CTDSPL2: variants seen among roughly 807,000 people sequenced by gnomAD.
The protein encoded by CTDSPL2 is CTD small phosphatase like 2.
Under a neutral mutation model 60.0 loss-of-function variants are expected in CTDSPL2, and 5 were observed. That is an observed-to-expected ratio of 0.08 (90% CI 0.04 to 0.18). The LOEUF (loss-of-function observed/expected upper bound fraction) is 0.18, where lower values mean the gene tolerates loss of function less well. Among genes scored for constraint, CTDSPL2 ranks in the 10% least tolerant of loss-of-function variants. The pLI is 1.00. For synonymous variants in CTDSPL2, 186 were observed against 189.3 expected (o/e 0.98, Z 0.14); for missense variants, 370 against 548.8 (o/e 0.67, Z 3.26).
intron 5 of CTDSPL2, among the ~76,000 whole-genome samples, chr15:44,494,320 C>T (rs1175799289): frequency 6.6e-6 from 1 of 152,132 alleles, no homozygotes; most frequent in Non-Finnish European, 1.5e-5. Context: ...AGTAAGTCTT[C>T]TAAGCAGTGA....
At chr15:44,453,818 T>G (rs1447539439) in intron 1 of CTDSPL2, among the ~76,000 whole-genome samples, 3 of 152,168 alleles carry the variant, frequency 2.0e-5, no homozygotes, top group Admixed American at 6.5e-5. Context: ...CTTAATCCAG[T>G]CTATCATTGA....
In CTDSPL2 at chr15:44,484,373, A is replaced by G. The variant is rs760992786; in HGVS notation, c.325+11A>G. The G allele has an allele frequency of 4.4e-5, 71 of 1,608,774 alleles. No individual in the cohort carries two copies. The highest frequency in any genetic ancestry group is 6.0e-5 in the Non-Finnish European group (71 of 1,176,048). The stretch of plus-strand genomic sequence containing the variant: ...GTCAAGTAAATGGAGGTTTGTTAAT[A>G]TTTAGATACTGTTTTATTTAGGTGT... On this transcript the variant is annotated intron_variant, in intron 3 of 12. Transcript: ENST00000260327.
At chr15:44,489,998 G>C (rs2081189358) in intron 4 of CTDSPL2, among the ~76,000 whole-genome samples, 1 of 152,134 alleles carries the variant, frequency 6.6e-6, no homozygotes, top group Admixed American at 6.5e-5. Flanking sequence ...TAGGAAAGAG[G>C]TTAAACTTAA....
At chr15:44,515,157 A>G (rs2140866205) in intron 10 of CTDSPL2, among the ~76,000 whole-genome samples, 1 of 152,268 alleles carries the variant, frequency 6.6e-6, no homozygotes, top group East Asian at 1.9e-4. Context: ...ATGATGTTTC[A>G]TCTCCATATG....
At chr15:44,445,219 C>T (rs550912176) in intron 1 of CTDSPL2, among the ~76,000 whole-genome samples, 213 of 151,624 alleles carry the variant, frequency 1.4e-3, no homozygotes, top group Non-Finnish European at 2.2e-3. Context: ...AGTCTCACTC[C>T]GGCTGTTGCC....
chr15:44,486,176 C>A (rs570594363), intron 3 of CTDSPL2, among the ~76,000 whole-genome samples: 1 of 152,186 alleles, frequency 6.6e-6, no homozygotes, highest in South Asian at 2.1e-4. Flanking sequence ...GAATTAGAAC[C>A]GTCCTAGAAT....
At position 44,485,231 on chromosome 15, in the gene CTDSPL2, C is replaced by T. The variant is rs530235287; in HGVS notation, c.325+869C>T. On this transcript the variant is annotated intron_variant, in intron 3 of 12. Coordinates refer to ENST00000260327, the MANE Select transcript of CTDSPL2 (RefSeq NM_016396.3). The stretch of plus-strand genomic sequence containing the variant: ...AAAACAAAGAATTAGACTGAAATGT[C>T]AATACTGCCGCTGTTGATAAACTCT... 2.0e-5 allele frequency among the ~76,000 whole-genome samples: 3 copies of T among 152,302 alleles called. No homozygotes were observed. In the South Asian group the frequency reaches 6.2e-4, roughly 32 times the overall value.
At chr15:44,462,159 G>C (rs1375353150) in intron 2 of CTDSPL2, among the ~76,000 whole-genome samples, 1 of 152,156 alleles carries the variant, frequency 6.6e-6, no homozygotes, top group Non-Finnish European at 1.5e-5. Context: ...GCTCAGGCTG[G>C]TCACAAACTC....
intron 2 of CTDSPL2, among the ~76,000 whole-genome samples, chr15:44,465,940 CTTTT>C (rs201191030): frequency 7.6e-6 from 1 of 131,902 alleles, no homozygotes; most frequent in African/African-American, 2.8e-5. Context: ...GTCTTGAACT[CTTTT>C]TTTTTTTTTA....
At chr15:44,517,981 A>G (rs1381677089) in intron 10 of CTDSPL2, among the ~76,000 whole-genome samples, 2 of 152,206 alleles carry the variant, frequency 1.3e-5, no homozygotes, top group South Asian at 4.1e-4. Context: ...TAAGGGGGAA[A>G]GAACTGCTTA....
intron 1 of CTDSPL2, among the ~76,000 whole-genome samples, chr15:44,456,867 T>C (rs1595715214): frequency 7.1e-6 from 1 of 141,840 alleles, no homozygotes; most frequent in Admixed American, 7.0e-5. Context: ...TTTTTTTTTC[T>C]TTTTTTTTTT....
chr15:44,429,859 C>T (rs2079821917), intron 1 of CTDSPL2, among the ~76,000 whole-genome samples: 2 of 152,038 alleles, frequency 1.3e-5, no homozygotes, highest in South Asian at 2.1e-4. Flanking sequence ...GAGCGAGACT[C>T]CGTCTCAAAA....
intron 8 of CTDSPL2, among the ~76,000 whole-genome samples, chr15:44,506,519 C>T (rs1390277130): frequency 6.8e-6 from 1 of 148,080 alleles, no homozygotes; most frequent in African/African-American, 2.5e-5. Context: ...CAGGCTCAAA[C>T]CGTCTTCTCA....
intron 1 of CTDSPL2, among the ~76,000 whole-genome samples, chr15:44,456,759 CTTAG>C (rs138595454): frequency 0.029 from 4,267 of 146,766 alleles, 100 homozygotes; most frequent in Non-Finnish European, 0.042. Context: ...CTGCTCTGAT[CTTAG>C]TTACTTCTTT....
At chr15:44,474,762 A>T (rs1567080883) in intron 2 of CTDSPL2, among the ~76,000 whole-genome samples, 1 of 152,048 alleles carries the variant, frequency 6.6e-6, no homozygotes, top group South Asian at 2.1e-4. Flanking sequence ...AGGCTGAGGC[A>T]GGAGAATTGC....
chr15:44,437,507 T>C (rs2141269174), intron 1 of CTDSPL2, among the ~76,000 whole-genome samples: 1 of 152,312 alleles, frequency 6.6e-6, no homozygotes, highest in East Asian at 1.9e-4. Flanking sequence ...GGAAATCTTA[T>C]GAGGAAGAAA....
intron 1 of CTDSPL2, among the ~76,000 whole-genome samples, chr15:44,449,871 A>G (rs1439365446): frequency 6.6e-6 from 1 of 151,974 alleles, no homozygotes; most frequent in African/African-American, 2.4e-5. Context: ...CATGCCTCTA[A>G]TCCCAGCTAC....
At chr15:44,484,426 T>C (rs2081083430) in intron 3 of CTDSPL2, 64 bp downstream of exon 3, 8 of 1,463,666 alleles carry the variant, frequency 5.5e-6, no homozygotes, top group Non-Finnish European at 7.5e-6. Context: ...GACACATTTC[T>C]TATCTATTTT....
At chr15:44,473,874 A>G (rs1431147321) in intron 2 of CTDSPL2, among the ~76,000 whole-genome samples, 2 of 152,158 alleles carry the variant, frequency 1.3e-5, no homozygotes, top group African/African-American at 4.8e-5. Flanking sequence ...TAGTCTTTCT[A>G]CAGGGGTAGA....
Sources: allele counts gnomAD v4.1 joint callset (sites outside exome capture counted in the v4.1 genomes callset), GRCh38; gene constraint gnomAD v4.1.1; transcripts MANE v1.5; gene names NCBI Gene and HGNC (gene_info 2026-07-23, HGNC 2026-07-21).